The following PDGFD variants were observed in gnomAD, a reference collection of about 807,000 sequenced individuals.
PDGFD encodes the protein platelet derived growth factor D.
Under a neutral mutation model 44.7 loss-of-function variants are expected in PDGFD, and 30 were observed. That is an observed-to-expected ratio of 0.67 (90% CI 0.50 to 0.91). The LOEUF (loss-of-function observed/expected upper bound fraction) is 0.91, where lower values mean the gene tolerates loss of function less well. Ranked by LOEUF, PDGFD falls within the 40% of genes least tolerant of loss-of-function variation. The pLI is 0.00. For missense variants in PDGFD, 445 were observed against 457.8 expected, an observed-to-expected ratio of 0.97 and a Z score of 0.25; for synonymous variants, 173 against 168.4, an observed-to-expected ratio of 1.03 and a Z score of -0.21.
intron 1 of PDGFD, among the ~76,000 whole-genome samples, chr11:104,102,448 G>A (rs545375982): frequency 1.3e-5 from 2 of 152,254 alleles, no homozygotes; most frequent in African/African-American, 4.8e-5. Flanking sequence ...GAGAGGATGT[G>A]GAGAAATAGG....
At chr11:104,073,783 T>C (rs1186525646) in intron 1 of PDGFD, among the ~76,000 whole-genome samples, 2 of 152,334 alleles carry the variant, frequency 1.3e-5, no homozygotes, top group Middle Eastern at 3.4e-3. Flanking sequence ...ATTGATTACA[T>C]TGGCGAGTTT....
At chr11:104,008,741 A>C (rs1407349882) in intron 1 of PDGFD, among the ~76,000 whole-genome samples, 1 of 152,158 alleles carries the variant, frequency 6.6e-6, no homozygotes, top group African/African-American at 2.4e-5. Context: ...CATATTGGAG[A>C]AAATTAAACT....
chr11:104,136,477 A>G (rs1862006144), intron 1 of PDGFD, among the ~76,000 whole-genome samples: 1 of 152,216 alleles, frequency 6.6e-6, no homozygotes, highest in African/African-American at 2.4e-5. Flanking sequence ...AACAAATGCC[A>G]ATTAAAGAAA....
chr11:104,098,273 C>G (rs1476911790), intron 1 of PDGFD, among the ~76,000 whole-genome samples: 1 of 152,120 alleles, frequency 6.6e-6, no homozygotes, highest in East Asian at 1.9e-4. Flanking sequence ...GTTCAACCCC[C>G]CTACCTATTT....
rs781145743 is a variant in PDGFD, at chr11:103,975,393, C to T, written c.510+20672G>A. 5.9e-5 allele frequency among the ~76,000 whole-genome samples: 9 copies of T among 151,982 alleles called. No homozygotes were observed. The South Asian group carries it at 1.2e-3, about 21-fold the overall frequency. On this transcript the variant is annotated intron_variant, in intron 3 of 6. Transcript: ENST00000393158. ...TTCCTTGTAGATTCTGGACATTAGA[C>T]CTTTGTTAGATGGATAAATTGCAAA...
At chr11:104,153,342 C>G (rs896357580) in intron 1 of PDGFD, among the ~76,000 whole-genome samples, 1 of 152,118 alleles carries the variant, frequency 6.6e-6, no homozygotes, top group Admixed American at 6.6e-5. Flanking sequence ...CTCCAATGTG[C>G]CAGCCAATGA....
chr11:103,926,786 G>A, intron 6 of PDGFD, 126 bp downstream of exon 6: 1 of 963,252 alleles, frequency 1.0e-6, no homozygotes, highest in Non-Finnish European at 1.5e-6. Context: ...TAGAATTTCT[G>A]CTCCTAATCA....
intron 1 of PDGFD, among the ~76,000 whole-genome samples, chr11:104,014,752 A>G (rs1041572379): frequency 6.6e-6 from 1 of 152,220 alleles, no homozygotes; most frequent in Admixed American, 6.5e-5. Flanking sequence ...GCTTTATGGA[A>G]AAAATGACTA....
chr11:104,116,982 C>T (rs958439092), intron 1 of PDGFD, among the ~76,000 whole-genome samples: 1 of 151,864 alleles, frequency 6.6e-6, no homozygotes, highest in African/African-American at 2.4e-5. Context: ...TTCCCAGTCT[C>T]GAGTATGTCT....
intron 3 of PDGFD, among the ~76,000 whole-genome samples, chr11:103,987,659 C>A (rs1171978116): frequency 2.6e-5 from 4 of 152,164 alleles, no homozygotes; most frequent in African/African-American, 9.7e-5. Flanking sequence ...AATGAAACTG[C>A]TACTTTTGAG....
intron 1 of PDGFD, chr11:104,037,483 C>T (rs148823827): frequency 5.0e-6 from 8 of 1,613,974 alleles, no homozygotes; most frequent in African/African-American, 1.3e-5. Context: ...AATCCGGCAG[C>T]AAAACATTGA....
At chr11:103,922,781 T>C (rs1195838429) in intron 6 of PDGFD, among the ~76,000 whole-genome samples, 2 of 152,102 alleles carry the variant, frequency 1.3e-5, no homozygotes, top group African/African-American at 4.8e-5. Flanking sequence ...GGTCTCGCTA[T>C]GTTGACCCGG....
At chr11:104,009,325 C>T (rs145254092) in intron 1 of PDGFD, among the ~76,000 whole-genome samples, 176 of 152,150 alleles carry the variant, frequency 1.2e-3, no homozygotes, top group Admixed American at 3.7e-3. Flanking sequence ...TATACAAAAT[C>T]GGTGACTGAC....
At chr11:103,997,512 A>G (rs1859551409) in intron 2 of PDGFD, among the ~76,000 whole-genome samples, 2 of 152,214 alleles carry the variant, frequency 1.3e-5, no homozygotes, top group South Asian at 4.1e-4. Context: ...TGGATAAAAT[A>G]AGAAGGCTTA....
rs75003251 is a variant in PDGFD, at chr11:103,921,503, C to G, written c.987+5409G>C. Reference sequence around the variant, plus strand: ...TATTTCATGTATAAATACAGATGCTCGTTGACTTATGATGGGGCTATATCC... The same window carrying G: ...TATTTCATGTATAAATACAGATGCTGGTTGACTTATGATGGGGCTATATCC... On this transcript the variant is annotated intron_variant, in intron 6 of 6. Coordinates refer to ENST00000393158, the MANE Select transcript of PDGFD (RefSeq NM_025208.5). 1.4e-3 allele frequency among the ~76,000 whole-genome samples: 215 copies of G among 151,604 alleles called. 1 individual carries two copies. In the East Asian group the frequency reaches 0.03, roughly 21 times the overall value.
At position 104,160,176 on chromosome 11, in the gene PDGFD, A is replaced by G. The variant is rs532433447; in HGVS notation, c.124+3628T>C. On this transcript the variant is annotated intron_variant, in intron 1 of 6. Coordinates refer to ENST00000393158, the MANE Select transcript of PDGFD (RefSeq NM_025208.5). ...AAGAAACAAGCTTCACTACTTTAAAATCTAAGGCAGCACAATTACTAGAAC... is the reference window on the plus strand; with the variant it reads ...AAGAAACAAGCTTCACTACTTTAAAGTCTAAGGCAGCACAATTACTAGAAC... Among the ~76,000 whole-genome samples the G allele has an allele frequency of 4.6e-5, 7 of 152,338 alleles. No homozygotes were observed. In the East Asian group the frequency reaches 1.4e-3, roughly 29 times the overall value.
intron 1 of PDGFD, among the ~76,000 whole-genome samples, chr11:104,060,286 G>T (rs2134413056): frequency 6.6e-6 from 1 of 152,224 alleles, no homozygotes; most frequent in South Asian, 2.1e-4. Flanking sequence ...CATATGCTTG[G>T]GTGTAATGTC....
At chr11:103,976,511 A>G (rs1456199753) in intron 3 of PDGFD, among the ~76,000 whole-genome samples, 1 of 151,996 alleles carries the variant, frequency 6.6e-6, no homozygotes, top group Non-Finnish European at 1.5e-5. Flanking sequence ...CTATCTGAAT[A>G]CCCTTTATTT....
At chr11:103,989,355 C>T (rs968965125) in intron 3 of PDGFD, among the ~76,000 whole-genome samples, 1 of 152,206 alleles carries the variant, frequency 6.6e-6, no homozygotes, top group African/African-American at 2.4e-5. Context: ...AGAATGTGTG[C>T]TTCAACCAGT....
Sources: allele counts gnomAD v4.1 joint callset (sites outside exome capture counted in the v4.1 genomes callset), GRCh38; gene constraint gnomAD v4.1.1; transcripts MANE v1.5; gene names NCBI Gene and HGNC (gene_info 2026-07-23, HGNC 2026-07-21).